Variants in OSBPL1A observed in about 807,000 individuals in gnomAD.
The protein encoded by OSBPL1A is oxysterol binding protein like 1A.
OSBPL1A carries 80 observed loss-of-function variants against 137.1 expected under a neutral mutation model. The observed-to-expected ratio is 0.58, with a 90% CI of 0.49 to 0.70. The LOEUF (loss-of-function observed/expected upper bound fraction) is 0.70. Ranked by LOEUF, OSBPL1A falls within the 30% of genes least tolerant of loss-of-function variation. OSBPL1A has a pLI of 0.00. For synonymous variants in OSBPL1A, 365 were observed against 389.7 expected (o/e 0.94, Z 0.75); for missense variants, 970 against 1,129.4 (o/e 0.86, Z 2.02).
intron 15 of OSBPL1A, among the ~76,000 whole-genome samples, chr18:24,253,669 A>G (rs1283275648): frequency 6.6e-6 from 1 of 152,232 alleles, no homozygotes; most frequent in Non-Finnish European, 1.5e-5. Context: ...AGATGGAATC[A>G]TAGTGGGTTC....
intron 15 of OSBPL1A, among the ~76,000 whole-genome samples, chr18:24,247,463 A>C (rs1037913878): frequency 8.5e-5 from 13 of 152,072 alleles, no homozygotes; most frequent in Non-Finnish European, 1.5e-5. Flanking sequence ...TTTTTGTTGG[A>C]CAAGAGGTGT....
chr18:24,177,358 C>T (rs1483998064), intron 21 of OSBPL1A, among the ~76,000 whole-genome samples: 1 of 152,208 alleles, frequency 6.6e-6, no homozygotes, highest in East Asian at 1.9e-4. Context: ...CAATTTGCTG[C>T]TCTGATTCTG....
chr18:24,271,663 G>C lies in OSBPL1A; in HGVS notation c.1281+9179C>G, dbSNP rs879695177. On this transcript the variant is annotated intron_variant, in intron 15 of 27. Coordinates refer to ENST00000319481, the MANE Select transcript of OSBPL1A (RefSeq NM_080597.4). This position sits in a 1 kb window ranked among gnomAD's most constrained non-coding sequence, Gnocchi z 4.0. ...GACCCCGGCTGGCGCGCTCCACCCT[G>C]CGCTCCTCGCAAGCTCCAGCGCGAA... The C allele has an allele frequency of 2.0e-6, 2 of 985,744 alleles. No homozygotes were observed. Among genetic ancestry groups the C allele is most frequent in the African/African-American group, 1.7e-5 (1 of 57,252 alleles). 61.1% of individuals were successfully genotyped at this position (985,744 alleles called of 1,614,324 possible).
At chr18:24,287,267 A>C (rs2090081200) in intron 14 of OSBPL1A, among the ~76,000 whole-genome samples, 1 of 152,232 alleles carries the variant, frequency 6.6e-6, no homozygotes, top group Non-Finnish European at 1.5e-5. Flanking sequence ...GTAAGTCCTT[A>C]TGAGAAAAAC....
chr18:24,375,062 C>T (rs928292428), intron 2 of OSBPL1A, among the ~76,000 whole-genome samples: 5 of 152,082 alleles, frequency 3.3e-5, no homozygotes, highest in East Asian at 3.9e-4. Flanking sequence ...CACCTGTAAT[C>T]CCAACACTTT....
At chr18:24,284,717 T>A (rs2090036032) in intron 14 of OSBPL1A, among the ~76,000 whole-genome samples, 1 of 152,218 alleles carries the variant, frequency 6.6e-6, no homozygotes, top group South Asian at 2.1e-4. Context: ...CTCCTGGAAA[T>A]GTTTGTTTAC....
At chr18:24,206,256 C>A (rs2087372523) in intron 17 of OSBPL1A, among the ~76,000 whole-genome samples, 4 of 152,120 alleles carry the variant, frequency 2.6e-5, no homozygotes, top group East Asian at 1.9e-4. Context: ...GATACAGGTA[C>A]AAATGGAAGA....
chr18:24,266,119 T>G (rs550421243), intron 15 of OSBPL1A, among the ~76,000 whole-genome samples: 1 of 152,188 alleles, frequency 6.6e-6, no homozygotes, highest in Non-Finnish European at 1.5e-5. Flanking sequence ...TTGGAGTAAG[T>G]TGCCCAGAGT....
At position 24,163,118 on chromosome 18, in the gene OSBPL1A, T is replaced by A; in HGVS notation, c.*61A>T. 1 of 1,313,682 alleles carries A rather than the reference T, an allele frequency of 7.6e-7. No homozygotes were observed. The highest frequency in any genetic ancestry group is 1.1e-6 in the Non-Finnish European group (1 of 941,764). 81.4% of individuals were successfully genotyped at this position (1,313,682 alleles called of 1,614,324 possible). A position where few individuals can be genotyped will look rare whatever the true frequency, so the allele number is the denominator to read the frequency against. ...TAAGTAGAAACCAAGGGAAAAAAAT[T>A]TAAAAACATAGGTTTAAGACTTATT... On this transcript the variant is annotated 3_prime_UTR_variant, in exon 28 of 28. Transcript: ENST00000319481.
chr18:24,312,341 A>C (rs2090634020), intron 12 of OSBPL1A, among the ~76,000 whole-genome samples: 1 of 152,218 alleles, frequency 6.6e-6, no homozygotes. Context: ...TTACATATTC[A>C]TGAATGTTAA....
chr18:24,183,746 T>G (rs991146672), intron 18 of OSBPL1A, among the ~76,000 whole-genome samples: 3 of 152,208 alleles, frequency 2.0e-5, no homozygotes, highest in Non-Finnish European at 4.4e-5. Context: ...CAGATTTGTT[T>G]GTTTTAATGC....
At chr18:24,350,694 C>T (rs1226829770) in intron 4 of OSBPL1A, among the ~76,000 whole-genome samples, 1 of 152,118 alleles carries the variant, frequency 6.6e-6, no homozygotes, top group Non-Finnish European at 1.5e-5. Context: ...TCAACAACAA[C>T]ACTAAAAGCT....
At chr18:24,280,787 C>A in intron 15 of OSBPL1A, 55 bp downstream of exon 15, 3 of 1,228,912 alleles carry the variant, frequency 2.4e-6, no homozygotes, top group Non-Finnish European at 3.4e-6. Context: ...TCATGGACAA[C>A]CACGCATGCA....
intron 15 of OSBPL1A, among the ~76,000 whole-genome samples, chr18:24,250,791 T>C (rs1424412679): frequency 6.6e-6 from 1 of 152,188 alleles, no homozygotes; most frequent in Non-Finnish European, 1.5e-5. Context: ...GACAGAGCAA[T>C]AAGCAGGCTC....
chr18:24,228,422 A>T (rs181509655), intron 16 of OSBPL1A, among the ~76,000 whole-genome samples: 2 of 152,172 alleles, frequency 1.3e-5, no homozygotes, highest in Admixed American at 1.3e-4. Flanking sequence ...CACATTGCAA[A>T]GTACAATGGT....
chr18:24,388,824 A>C (rs2144276991), intron 1 of OSBPL1A, among the ~76,000 whole-genome samples: 1 of 150,916 alleles, frequency 6.6e-6, no homozygotes, highest in South Asian at 2.1e-4. Context: ...AAAAAAAACC[A>C]AAAATAACAA....
rs781634780 is a variant in OSBPL1A, at chr18:24,341,579, G to C, written c.362C>G (p.Thr121Ser). 4 of 1,613,100 alleles carry C rather than the reference G, an allele frequency of 2.5e-6. No individual in the cohort carries two copies. The South Asian group carries it at 4.4e-5, about 18-fold the overall frequency. Residue 121 changes from threonine (T) to serine (S), a missense_variant, in exon 5 of 28, where the codon ACT (threonine) becomes AGT (serine). By Grantham distance (58) the Thr-to-Ser change is moderately conservative. Around this residue, in one of 2 missense-constraint regions of OSBPL1A, gnomAD observed 647 missense variants for 672.6 expected, o/e 0.96. Coordinates refer to ENST00000319481, the MANE Select transcript of OSBPL1A (RefSeq NM_080597.4). ...CATGCTTCTGATTTCTTCAGCATGAGTAACTTCTTTTGCTGTCTGTCCACT... is the reference window on the plus strand; with the variant it reads ...CATGCTTCTGATTTCTTCAGCATGACTAACTTCTTTTGCTGTCTGTCCACT... ...NGSGQTAKEVTHAEEIRSMLE... is the reference protein window; with the variant it reads ...NGSGQTAKEVSHAEEIRSMLE...
chr18:24,302,024 C>T (rs1032773849), intron 14 of OSBPL1A, among the ~76,000 whole-genome samples: 1 of 151,952 alleles, frequency 6.6e-6, no homozygotes, highest in Non-Finnish European at 1.5e-5. Context: ...GTCAGGAGAT[C>T]GAGAGCATCC....
intron 15 of OSBPL1A, among the ~76,000 whole-genome samples, chr18:24,263,498 A>G (rs910248034): frequency 6.6e-6 from 1 of 152,214 alleles, no homozygotes; most frequent in Non-Finnish European, 1.5e-5. Context: ...TTAACACACC[A>G]ACAAAACCCC....
Sources: allele counts gnomAD v4.1 joint callset (sites outside exome capture counted in the v4.1 genomes callset), GRCh38; gene constraint gnomAD v4.1.1; regional missense constraint gnomAD v4.1.1; non-coding constraint Gnocchi (gnomAD v3.1); transcripts MANE v1.5; gene names NCBI Gene and HGNC (gene_info 2026-07-23, HGNC 2026-07-21).